The following PPCDC variants were observed in gnomAD, a reference collection of about 807,000 sequenced individuals.
PPCDC encodes phosphopantothenoylcysteine decarboxylase.
PPCDC carries 20 observed loss-of-function variants against 20.7 expected under a neutral mutation model. The observed-to-expected ratio is 0.97, with a 90% CI of 0.68 to 1.41. The LOEUF (loss-of-function observed/expected upper bound fraction) is 1.41, where lower values mean the gene tolerates loss of function less well. Among genes scored for constraint, PPCDC ranks in the 40% most tolerant of loss-of-function variants. The probability of loss-of-function intolerance (pLI) is 0.00; values close to 1 mark genes in which losing one functional copy is unlikely to be tolerated. For missense variants in PPCDC, 246 were observed against 263.8 expected (o/e 0.93, Z 0.47); for synonymous variants, 88 against 100.3 (o/e 0.88, Z 0.73).
Position 75,028,396 on chromosome 15 carries a change from G to T in PPCDC, c.78G>T (p.Gly26=), listed in dbSNP as rs754837235. Reference sequence around the variant, plus strand: ...TCCATGTTCTTGTGGGTGTCACGGGGAGTGTCGCAGCCCTGAAGTTGCCTC... The same window carrying T: ...TCCATGTTCTTGTGGGTGTCACGGGTAGTGTCGCAGCCCTGAAGTTGCCTC... ...RKFHVLVGVT[G]SVAALKLPLL... is the part of the protein sequence containing the mutation. The change falls in exon 2 of 6, where the codon GGG becomes GGT. Residue 26 remains glycine, a synonymous_variant. Transcript: ENST00000342932. 1.9e-6 allele frequency: 3 copies of T among 1,614,238 alleles called. No individual in the cohort carries two copies. Among genetic ancestry groups the T allele is most frequent in the Non-Finnish European group, 2.5e-6 (3 of 1,180,052 alleles).
At chr15:75,039,518 GTCC>G (rs2066127409) in intron 2 of PPCDC, among the ~76,000 whole-genome samples, 1 of 152,204 alleles carries the variant, frequency 6.6e-6, no homozygotes, top group East Asian at 1.9e-4. Context: ...AGGTCAGGAA[GTCC>G]TCCTGTATTC....
At chr15:75,038,167 ATGT>A (rs2141487551) in intron 2 of PPCDC, among the ~76,000 whole-genome samples, 1 of 152,288 alleles carries the variant, frequency 6.6e-6, no homozygotes, top group Admixed American at 6.5e-5. Context: ...CCACCTGGGG[ATGT>A]TGTCAGCATG....
intron 1 of PPCDC, among the ~76,000 whole-genome samples, chr15:75,023,894 C>T (rs2065933029): frequency 6.6e-6 from 1 of 152,192 alleles, no homozygotes; most frequent in South Asian, 2.1e-4. Flanking sequence ...TGTACCCGTC[C>T]AGCCCGACTT....
rs2066295970 is a variant in PPCDC at position 75,050,046 on chromosome 15, A to C, written c.*811A>C. On this transcript the variant is annotated 3_prime_UTR_variant, in exon 6 of 6. Coordinates refer to ENST00000342932, the MANE Select transcript of PPCDC (RefSeq NM_021823.5). ...GGATTCAGTGAAATTTTGTGTGCAG[A>C]ATACCCATGCCACTGAGTGCCTGGA... 6.6e-6 allele frequency: 1 copy of C among 152,238 alleles called. No homozygotes were observed. Among genetic ancestry groups the C allele is most frequent in the Non-Finnish European group, 1.5e-5 (1 of 68,042 alleles). 9.4% of individuals were successfully genotyped at this position (152,238 alleles called of 1,614,324 possible).
intron 2 of PPCDC, among the ~76,000 whole-genome samples, chr15:75,036,399 G>A (rs549743988): frequency 1.3e-5 from 2 of 152,338 alleles, no homozygotes; most frequent in South Asian, 4.1e-4. Context: ...AGAAAAACTA[G>A]TCTGGGCCTG....
chr15:75,044,432 G>C lies in PPCDC; in HGVS notation c.278G>C (p.Arg93Thr). The C allele has an allele frequency of 6.2e-7, 1 of 1,614,160 alleles. No homozygotes were observed. The highest frequency in any genetic ancestry group is 2.2e-5 in the East Asian group (1 of 44,888). The change falls in exon 4 of 6, where the codon AGG becomes ACG. Residue 93 changes from arginine to threonine, a missense_variant. By Grantham distance (71) the Arg-to-Thr change is moderately conservative (BLOSUM62 -1). Around this residue, in one of 2 missense-constraint regions of PPCDC, gnomAD observed 225 missense variants for 222.6 expected, o/e 1.01. Transcript: ENST00000342932. The part of the protein sequence containing the change: ...SDPVLHIDLR[R>T]WADLLLVAPL... ...CCAGTTCTGCACATTGACCTGCGGA[G>C]GTGGGCAGACCTCCTGCTGGTGGCT...
intron 2 of PPCDC, among the ~76,000 whole-genome samples, chr15:75,035,353 G>A (rs561551193): frequency 1.3e-5 from 2 of 152,140 alleles, no homozygotes; most frequent in Non-Finnish European, 2.9e-5. Context: ...CATGGGATTT[G>A]TCTCATCCTG....
At chr15:75,041,559 G>A (rs1486800755) in intron 2 of PPCDC, among the ~76,000 whole-genome samples, 8 of 152,140 alleles carry the variant, frequency 5.3e-5, no homozygotes, top group Non-Finnish European at 1.2e-4. Context: ...TGAGCCCAGG[G>A]CAGTTGAGGC....
intron 3 of PPCDC, 133 bp from the exon 4 acceptor site, chr15:75,044,253 C>T: frequency 7.7e-7 from 1 of 1,296,334 alleles, no homozygotes; most frequent in Non-Finnish European, 1.1e-6. Flanking sequence ...AGCTTAGCTG[C>T]AGGAGGGAAC....
intron 2 of PPCDC, among the ~76,000 whole-genome samples, chr15:75,035,317 A>G (rs2066072087): frequency 6.6e-6 from 1 of 152,088 alleles, no homozygotes; most frequent in South Asian, 2.1e-4. Context: ...GAGGCCAGGA[A>G]TGGGCTTGGC....
chr15:75,041,808 C>T (rs1345563367), intron 2 of PPCDC, among the ~76,000 whole-genome samples: 1 of 152,202 alleles, frequency 6.6e-6, no homozygotes, highest in South Asian at 2.1e-4. Flanking sequence ...CTCCTTGGTC[C>T]TAGCTTTGTT....
At chr15:75,028,222 G>C (rs907281953) in intron 1 of PPCDC, 25 bp from the exon 2 acceptor site, 3 of 1,483,216 alleles carry the variant, frequency 2.0e-6, no homozygotes, top group African/African-American at 1.4e-5. Context: ...ATGAATGAAG[G>C]GGGTGGCCCT....
At chr15:75,040,104 A>G (rs2066135229) in intron 2 of PPCDC, among the ~76,000 whole-genome samples, 1 of 147,524 alleles carries the variant, frequency 6.8e-6, no homozygotes, top group Admixed American at 6.7e-5. Context: ...CTATTCCTTG[A>G]CAAGGTCTCA....
intron 1 of PPCDC, among the ~76,000 whole-genome samples, chr15:75,025,682 A>G (rs1056334767): frequency 1.1e-4 from 17 of 152,192 alleles, no homozygotes; most frequent in African/African-American, 3.9e-4. Flanking sequence ...TTTGCTGCTC[A>G]GGAGTTCCTG....
chr15:75,046,052 CAT>C (rs1431150650), intron 4 of PPCDC, among the ~76,000 whole-genome samples: 1 of 151,182 alleles, frequency 6.6e-6, no homozygotes, highest in Admixed American at 6.6e-5. Flanking sequence ...CTCTACAAAA[CAT>C]ATAAAAAAAA....
intron 1 of PPCDC, 63 bp from the exon 2 acceptor site, chr15:75,028,184 T>C (rs1193362655): frequency 8.2e-7 from 1 of 1,222,316 alleles, no homozygotes; most frequent in Non-Finnish European, 1.1e-6. Flanking sequence ...GCCTAATACG[T>C]GGTGCTCCAT....
intron 1 of PPCDC, among the ~76,000 whole-genome samples, chr15:75,025,515 A>G (rs2141471034): frequency 6.6e-6 from 1 of 152,306 alleles, no homozygotes; most frequent in South Asian, 2.1e-4. Context: ...AAACATCACA[A>G]GCTGAGGCTC....
chr15:75,049,342 G>C lies in PPCDC; in HGVS notation c.*107G>C. 2 of 1,070,536 alleles carry C rather than the reference G, an allele frequency of 1.9e-6. No individual in the cohort carries two copies. The highest frequency in any genetic ancestry group is 1.4e-5 in the South Asian group (1 of 69,276). The allele number at this position is 1,070,536 out of a possible 1,614,324, so 66.3% of individuals were successfully genotyped here. A position where few individuals can be genotyped will look rare whatever the true frequency, so the allele number is the denominator to read the frequency against. On this transcript the variant is annotated 3_prime_UTR_variant, in exon 6 of 6. Coordinates refer to ENST00000342932, the MANE Select transcript of PPCDC (RefSeq NM_021823.5). ...GGAGGATACCCTCATTTGCTGAATG[G>C]GGGACCTGCTCTGAGCCTGCCCAGG...
chr15:75,039,596 A>G (rs1288269658), intron 2 of PPCDC, among the ~76,000 whole-genome samples: 1 of 152,042 alleles, frequency 6.6e-6, no homozygotes, highest in East Asian at 1.9e-4. Flanking sequence ...CCTGGGCTCT[A>G]ATTGGCTTGT....
Sources: allele counts gnomAD v4.1 joint callset (sites outside exome capture counted in the v4.1 genomes callset), GRCh38; gene constraint gnomAD v4.1.1; regional missense constraint gnomAD v4.1.1; transcripts MANE v1.5; gene names NCBI Gene and HGNC (gene_info 2026-07-23, HGNC 2026-07-21).